Variants in RYR3 observed in about 807,000 individuals in gnomAD.
RYR3 encodes brain ryanodine receptor-calcium release channel.
RYR3 carries 207 observed loss-of-function variants against 584.3 expected under a neutral mutation model. The observed-to-expected ratio is 0.35, with a 90% CI of 0.32 to 0.40. The LOEUF (loss-of-function observed/expected upper bound fraction) is 0.40, where lower values mean the gene tolerates loss of function less well. RYR3 is among the 10% of genes least tolerant of loss of function. RYR3 has a pLI of 1.00. For missense variants in RYR3, 5,616 were observed against 6,089.2 expected, an observed-to-expected ratio of 0.92 and a Z score of 2.59; for synonymous variants, 2,416 against 2,248.5, an observed-to-expected ratio of 1.07 and a Z score of -2.11.
At position 33,503,706 on chromosome 15, in the gene RYR3, C is replaced by A; in HGVS notation, c.247C>A (p.Leu83Ile). The A allele has an allele frequency of 6.2e-7, 1 of 1,612,604 alleles. No individual in the cohort carries two copies. Among genetic ancestry groups the A allele is most frequent in the Non-Finnish European group, 8.5e-7 (1 of 1,179,338 alleles). ...ATCTGTCAGAGCCCTGCAGGAAATG[C>A]TTGCCAACACAGGTGAAAATGGCGG... ...SLSVRALQEM[L>I]ANTGENGGEG... Residue 83 changes from leucine (L) to isoleucine (I), a missense_variant, in exon 3 of 104, where the codon CTT becomes ATT. Leu to Ile is a conservative substitution (Grantham distance 5). This residue lies in a region of RYR3 where 1,284 missense variants were observed against 1,344.6 expected (regional missense o/e 0.95). Coordinates refer to ENST00000634891, the MANE Select transcript of RYR3 (RefSeq NM_001036.6).
At chr15:33,495,915 G>A (rs1023423270) in intron 2 of RYR3, among the ~76,000 whole-genome samples, 1 of 152,162 alleles carries the variant, frequency 6.6e-6, no homozygotes, top group African/African-American at 2.4e-5. Context: ...ATAATTGATT[G>A]GAAGTCTGTA....
intron 60 of RYR3, among the ~76,000 whole-genome samples, chr15:33,764,752 G>A (rs917105720): frequency 1.3e-5 from 2 of 152,070 alleles, no homozygotes; most frequent in Admixed American, 6.5e-5. Context: ...GACTCAGATC[G>A]ACTGGACACG....
At chr15:33,855,803 AAGACTGGATATTGATG>A (rs2079596651) in intron 98 of RYR3, 1 of 152,200 alleles carries the variant, frequency 6.6e-6, no homozygotes, top group African/African-American at 2.4e-5. Context: ...CAATATATGG[AAGACTGGATATTGATG>A]AGACTGGATA....
intron 38 of RYR3, among the ~76,000 whole-genome samples, chr15:33,675,195 G>A (rs1180777452): frequency 6.6e-6 from 1 of 152,156 alleles, no homozygotes; most frequent in Non-Finnish European, 1.5e-5. Flanking sequence ...GGGAGGGAGG[G>A]GCTAACACTT....
chr15:33,424,350 G>T (rs1366511639), intron 1 of RYR3, among the ~76,000 whole-genome samples: 1 of 152,254 alleles, frequency 6.6e-6, no homozygotes, highest in Non-Finnish European at 1.5e-5. Flanking sequence ...AATGGGGTTA[G>T]TTGGGGTGCT....
chr15:33,469,221 A>G (rs1283032508), intron 1 of RYR3, among the ~76,000 whole-genome samples: 1 of 152,198 alleles, frequency 6.6e-6, no homozygotes, highest in Non-Finnish European at 1.5e-5. Context: ...ATGGACATGG[A>G]AAACTAGGGC....
In RYR3 at chr15:33,844,965, A is replaced by G; in HGVS notation, c.13400A>G (p.Gln4467Arg). The change falls in exon 93 of 104, where the codon CAG (glutamine) becomes CGG (arginine). Residue 4467 changes from glutamine (Q) to arginine (R), a missense_variant. Gln to Arg is a conservative substitution (Grantham distance 43). Around this residue, in one of 9 missense-constraint regions of RYR3, gnomAD observed 918 missense variants for 887.4 expected, o/e 1.03. Transcript: ENST00000634891. The part of the protein sequence containing the change: ...EEEAMVFFVL[Q>R]ESTGYMAPTL... ...GAAGCGATGGTATTCTTTGTCCTTCAGGAGAGCACCGGGTATATGGCACCA... is the reference window on the plus strand; with the variant it reads ...GAAGCGATGGTATTCTTTGTCCTTCGGGAGAGCACCGGGTATATGGCACCA... The G allele has an allele frequency of 6.2e-7, 1 of 1,614,030 alleles. No individual in the cohort carries two copies. The highest frequency in any genetic ancestry group is 8.5e-7 in the Non-Finnish European group (1 of 1,179,882).
At chr15:33,381,658 G>A (rs1245771478) in intron 1 of RYR3, among the ~76,000 whole-genome samples, 1 of 152,076 alleles carries the variant, frequency 6.6e-6, no homozygotes, top group Non-Finnish European at 1.5e-5. Flanking sequence ...CCCAATCTCA[G>A]CTTCCTCTCC....
At chr15:33,566,472 G>A (rs540908224) in intron 11 of RYR3, among the ~76,000 whole-genome samples, 1 of 152,300 alleles carries the variant, frequency 6.6e-6, no homozygotes, top group South Asian at 2.1e-4. Context: ...TTTCATCAAA[G>A]CGCTGTGTCT....
Position 33,613,389 on chromosome 15 carries a change from G to A in RYR3, c.2357+14G>A. 6.3e-6 allele frequency: 10 copies of A among 1,580,644 alleles called. No individual in the cohort carries two copies. The highest frequency in any genetic ancestry group is 7.7e-6 in the Non-Finnish European group (9 of 1,162,252). ...AGCAGGTGTCAAGTAAGTTATGGCTGTGATTTCATGGAGAGTAGCAGTTAC... is the reference window on the plus strand; with the variant it reads ...AGCAGGTGTCAAGTAAGTTATGGCTATGATTTCATGGAGAGTAGCAGTTAC... On this transcript the variant is annotated intron_variant, in intron 19 of 103. Coordinates refer to ENST00000634891, the MANE Select transcript of RYR3 (RefSeq NM_001036.6).
chr15:33,414,495 A>G (rs1048490276), intron 1 of RYR3, among the ~76,000 whole-genome samples: 2 of 152,248 alleles, frequency 1.3e-5, no homozygotes, highest in African/African-American at 4.8e-5. Context: ...ACCAAGAAAG[A>G]CAGCTTCCTC....
intron 2 of RYR3, among the ~76,000 whole-genome samples, chr15:33,473,993 G>A (rs2049154435): frequency 6.6e-6 from 1 of 152,180 alleles, no homozygotes; most frequent in Non-Finnish European, 1.5e-5. Context: ...TGTTGTAACT[G>A]TCTGCCCACT....
At chr15:33,626,736 G>C (rs1373088065) in intron 20 of RYR3, among the ~76,000 whole-genome samples, 1 of 152,174 alleles carries the variant, frequency 6.6e-6, no homozygotes, top group Admixed American at 6.5e-5. Context: ...GCTAAAAGGG[G>C]CCAAGGTACA....
chr15:33,549,334 C>T (rs776764004), intron 9 of RYR3, among the ~76,000 whole-genome samples: 1 of 152,138 alleles, frequency 6.6e-6, no homozygotes, highest in Non-Finnish European at 1.5e-5. Context: ...GAATTCAAGC[C>T]TTTTATCAAT....
chr15:33,532,134 C>G (rs8039078), intron 4 of RYR3, among the ~76,000 whole-genome samples: 2 of 151,840 alleles, frequency 1.3e-5, no homozygotes, highest in Non-Finnish European at 2.9e-5. Flanking sequence ...ATCTTCCTCT[C>G]GCAGAGAAGT....
At chr15:33,862,134 C>T (rs573890372) in intron 102 of RYR3, among the ~76,000 whole-genome samples, 3 of 152,086 alleles carry the variant, frequency 2.0e-5, no homozygotes, top group South Asian at 2.1e-4. Context: ...TGTTCATTTA[C>T]AAGAAAAAAA....
intron 12 of RYR3, among the ~76,000 whole-genome samples, chr15:33,573,883 A>C (rs1482041016): frequency 2.0e-5 from 3 of 152,214 alleles, no homozygotes; most frequent in African/African-American, 7.2e-5. Flanking sequence ...ATTGTTCCCC[A>C]TGCCAAGCAT....
intron 1 of RYR3, among the ~76,000 whole-genome samples, chr15:33,379,600 G>A (rs2041004549): frequency 6.6e-6 from 1 of 151,476 alleles, no homozygotes; most frequent in Non-Finnish European, 1.5e-5. Context: ...ATCTGTGTTA[G>A]GGTTCTCCAT....
intron 85 of RYR3, among the ~76,000 whole-genome samples, chr15:33,829,020 G>C (rs566552505): frequency 6.6e-6 from 1 of 152,214 alleles, no homozygotes; most frequent in African/African-American, 2.4e-5. Context: ...GCCACTGCTC[G>C]TTTACCATTC....
Sources: allele counts gnomAD v4.1 joint callset (sites outside exome capture counted in the v4.1 genomes callset), GRCh38; gene constraint gnomAD v4.1.1; regional missense constraint gnomAD v4.1.1; transcripts MANE v1.5; gene names NCBI Gene and HGNC (gene_info 2026-07-23, HGNC 2026-07-21).